Variants in ASIC2 observed in about 807,000 individuals in gnomAD.
ASIC2 encodes acid sensing ion channel subunit 2.
ASIC2 carries 25 observed loss-of-function variants against 57.3 expected under a neutral mutation model. The ratio of observed to expected loss-of-function variants is 0.44; its 90% CI spans 0.32 to 0.61. ASIC2 has a LOEUF of 0.61. Among genes scored for constraint, ASIC2 ranks in the 20% least tolerant of loss-of-function variants. The pLI is 0.06. For synonymous variants in ASIC2, 319 were observed against 307.5 expected (o/e 1.04, Z -0.39); for missense variants, 641 against 738.1 (o/e 0.87, Z 1.52).
chr17:33,889,933 G>A (rs1037433241), intron 1 of ASIC2, among the ~76,000 whole-genome samples: 5 of 152,162 alleles, frequency 3.3e-5, no homozygotes, highest in African/African-American at 1.2e-4. Flanking sequence ...GAAGCGTTAT[G>A]TTCCAAGATA....
At chr17:33,257,229 C>A (rs1443563507) in intron 1 of ASIC2, among the ~76,000 whole-genome samples, 1 of 152,318 alleles carries the variant, frequency 6.6e-6, no homozygotes, top group East Asian at 1.9e-4. Context: ...CTGCCTTTAG[C>A]AAGTGAGGAG....
At chr17:33,068,839 C>T (rs755229740) in intron 3 of ASIC2, among the ~76,000 whole-genome samples, 24 of 152,092 alleles carry the variant, frequency 1.6e-4, no homozygotes, top group Non-Finnish European at 2.2e-4. Flanking sequence ...TCATTGATTT[C>T]GGCTGCAATC....
intron 1 of ASIC2, among the ~76,000 whole-genome samples, chr17:33,308,197 C>T (rs1906262988): frequency 6.6e-6 from 1 of 152,182 alleles, no homozygotes; most frequent in Non-Finnish European, 1.5e-5. Flanking sequence ...ATTCAATGGC[C>T]TTCAGCTTAT....
chr17:33,988,702 T>C (rs996551068), intron 1 of ASIC2, among the ~76,000 whole-genome samples: 10 of 151,990 alleles, frequency 6.6e-5, no homozygotes, highest in Admixed American at 1.3e-4. Context: ...TCTAATCTAA[T>C]GACCTCTTCC....
chr17:33,480,151 T>C (rs1019563926), intron 1 of ASIC2, among the ~76,000 whole-genome samples: 6 of 152,248 alleles, frequency 3.9e-5, no homozygotes, highest in Non-Finnish European at 7.3e-5. Flanking sequence ...AAGTTTGTAC[T>C]GGGCATCATT....
At chr17:34,087,531 T>G (rs892115229) in intron 1 of ASIC2, among the ~76,000 whole-genome samples, 4 of 152,296 alleles carry the variant, frequency 2.6e-5, no homozygotes, top group African/African-American at 4.8e-5. Context: ...GAGTTGCTCT[T>G]CTCGAGGAGT....
intron 3 of ASIC2, among the ~76,000 whole-genome samples, chr17:33,083,896 A>T (rs773800027): frequency 1.1e-4 from 16 of 152,064 alleles, no homozygotes; most frequent in Admixed American, 1.0e-3. Flanking sequence ...ACCACTGAGG[A>T]TGTGGGTTGA....
intron 1 of ASIC2, among the ~76,000 whole-genome samples, chr17:33,317,070 C>T (rs1906687016): frequency 1.3e-5 from 2 of 152,248 alleles, no homozygotes; most frequent in Non-Finnish European, 2.9e-5. Context: ...ATCTTGGGTA[C>T]CATTCTTGTG....
chr17:33,626,677 T>G (rs1390024189), intron 1 of ASIC2, among the ~76,000 whole-genome samples: 1 of 152,188 alleles, frequency 6.6e-6, no homozygotes, highest in Non-Finnish European at 1.5e-5. Context: ...GGCTCTCCTC[T>G]TCTTTAGCAC....
intron 1 of ASIC2, among the ~76,000 whole-genome samples, chr17:33,833,241 G>A (rs1048474626): frequency 6.6e-6 from 1 of 152,128 alleles, no homozygotes; most frequent in African/African-American, 2.4e-5. Context: ...AGCATCCCAA[G>A]GGCCAATGTT....
At chr17:34,099,152 GAGAGAGAGAGAGAA>G (rs1910684120) in intron 1 of ASIC2, among the ~76,000 whole-genome samples, 7 of 13,262 alleles carry the variant, frequency 5.3e-4, no homozygotes, top group African/African-American at 1.9e-3. Flanking sequence ...GAGACAGAGA[GAGAGAGAGAGAGAA>G]AGAAAGAAAG....
chr17:33,519,550 C>T (rs1407384000), intron 1 of ASIC2, among the ~76,000 whole-genome samples: 2 of 152,162 alleles, frequency 1.3e-5, no homozygotes, highest in East Asian at 3.9e-4. Flanking sequence ...ATCAGACTCT[C>T]TGGGTAGAGT....
At chr17:33,506,306 G>A (rs911374523) in intron 1 of ASIC2, among the ~76,000 whole-genome samples, 3 of 151,802 alleles carry the variant, frequency 2.0e-5, no homozygotes, top group African/African-American at 4.8e-5. Flanking sequence ...CCAGCTACTC[G>A]GGAGGCTGAG....
chr17:33,338,372 AGT>A (rs1907603399), intron 1 of ASIC2, among the ~76,000 whole-genome samples: 1 of 152,162 alleles, frequency 6.6e-6, no homozygotes, highest in Non-Finnish European at 1.5e-5. Context: ...TTCTGGAAGA[AGT>A]GTATGGCAGA....
chr17:33,340,730 C>T (rs752642717), intron 1 of ASIC2, among the ~76,000 whole-genome samples: 2 of 151,970 alleles, frequency 1.3e-5, no homozygotes, highest in Non-Finnish European at 2.9e-5. Context: ...ATCAAACGGG[C>T]TCTGTATATG....
intron 1 of ASIC2, among the ~76,000 whole-genome samples, chr17:33,641,608 A>G (rs1906566265): frequency 1.3e-5 from 2 of 152,172 alleles, no homozygotes. Flanking sequence ...GCAGTGGTGC[A>G]GAGTGTGCCT....
intron 1 of ASIC2, among the ~76,000 whole-genome samples, chr17:34,079,322 A>C (rs1325573405): frequency 6.6e-6 from 1 of 152,270 alleles, no homozygotes; most frequent in South Asian, 2.1e-4. Flanking sequence ...CAGTCATACT[A>C]ATCAATGTGT....
At chr17:33,845,001 C>CACATA (rs1382888969) in intron 1 of ASIC2, among the ~76,000 whole-genome samples, 4 of 152,216 alleles carry the variant, frequency 2.6e-5, no homozygotes, top group Non-Finnish European at 4.4e-5. Context: ...TGATTCAGAA[C>CACATA]CACATACTTT....
chr17:33,045,242 T>C (rs527691544), intron 3 of ASIC2, among the ~76,000 whole-genome samples: 4 of 152,300 alleles, frequency 2.6e-5, no homozygotes, highest in African/African-American at 9.6e-5. Context: ...TCGCCCCTGT[T>C]AAATCTGTGC....
Sources: gnomAD v4.1 joint callset for allele counts (sites outside exome capture counted in the v4.1 genomes callset) on GRCh38, gnomAD v4.1.1 for gene constraint, MANE v1.5 for transcripts, NCBI Gene and HGNC (gene_info 2026-07-23, HGNC 2026-07-21) for gene names.